PTPRG: variants seen among roughly 807,000 people sequenced by gnomAD.
PTPRG encodes receptor-type tyrosine-protein phosphatase gamma.
In PTPRG, 102 loss-of-function variants were observed where a neutral mutation model predicts 165.3. The ratio of observed to expected loss-of-function variants is 0.62; its 90% CI spans 0.53 to 0.73. The LOEUF is 0.73. Ranked by LOEUF, PTPRG falls within the 30% of genes least tolerant of loss-of-function variation. The probability of loss-of-function intolerance (pLI) is 0.00; values close to 1 mark genes in which losing one functional copy is unlikely to be tolerated. For missense variants in PTPRG, 1,866 were observed against 1,861.4 expected (o/e 1.00, Z -0.05); for synonymous variants, 675 against 669.5 (o/e 1.01, Z -0.13).
intron 2 of PTPRG, among the ~76,000 whole-genome samples, chr3:61,786,894 A>G (rs1362134391): frequency 6.6e-6 from 1 of 152,216 alleles, no homozygotes; most frequent in African/African-American, 2.4e-5. Flanking sequence ...GACAAAGAGA[A>G]AATAGATGTC....
intron 2 of PTPRG, among the ~76,000 whole-genome samples, chr3:61,842,172 G>C (rs1225217005): frequency 6.6e-6 from 1 of 152,160 alleles, no homozygotes; most frequent in African/African-American, 2.4e-5. Context: ...CCTATACCAT[G>C]TTTAGTTCAG....
chr3:62,028,322 C>T (rs570896399), intron 4 of PTPRG, among the ~76,000 whole-genome samples: 1 of 152,204 alleles, frequency 6.6e-6, no homozygotes, highest in Non-Finnish European at 1.5e-5. Context: ...CTAATTACAG[C>T]CTATACATTT....
intron 4 of PTPRG, among the ~76,000 whole-genome samples, chr3:62,023,257 C>CATA (rs1210881619): frequency 2.0e-5 from 3 of 152,224 alleles, no homozygotes; most frequent in Non-Finnish European, 2.9e-5. Context: ...TTGTCTCCCA[C>CATA]ATAATACTAA....
At chr3:62,125,954 G>A (rs1433226962) in intron 5 of PTPRG, among the ~76,000 whole-genome samples, 2 of 152,158 alleles carry the variant, frequency 1.3e-5, no homozygotes, top group Middle Eastern at 3.4e-3. Flanking sequence ...ATCACCATGC[G>A]GGCCCCCACG....
At chr3:61,789,988 T>C (rs2034821334) in intron 2 of PTPRG, among the ~76,000 whole-genome samples, 1 of 152,212 alleles carries the variant, frequency 6.6e-6, no homozygotes, top group African/African-American at 2.4e-5. Context: ...TCAGCAGCTG[T>C]TTCCTGGTAC....
intron 5 of PTPRG, among the ~76,000 whole-genome samples, chr3:62,110,496 T>C (rs1702631866): frequency 6.6e-6 from 1 of 152,052 alleles, no homozygotes; most frequent in African/African-American, 2.4e-5. Flanking sequence ...CAGTAGAGAT[T>C]TATTCAGTAA....
intron 2 of PTPRG, among the ~76,000 whole-genome samples, chr3:61,857,809 T>C (rs1216612398): frequency 1.3e-5 from 2 of 152,206 alleles, no homozygotes; most frequent in Non-Finnish European, 2.9e-5. Flanking sequence ...CTTTCTCCTT[T>C]GGAAGAAATG....
At chr3:61,775,145 G>A (rs113762924) in intron 2 of PTPRG, among the ~76,000 whole-genome samples, 2,182 of 152,084 alleles carry the variant, frequency 0.014, 58 homozygotes, top group African/African-American at 0.049. Context: ...ATCTTGGCTC[G>A]CTGCAACCTC....
chr3:61,824,792 AAAC>A (rs2107269716), intron 2 of PTPRG, among the ~76,000 whole-genome samples: 1 of 152,364 alleles, frequency 6.6e-6, no homozygotes, highest in South Asian at 2.1e-4. Context: ...CCTCATGTCA[AAAC>A]AAACTGTGAT....
chr3:61,957,436 A>G (rs2040058029), intron 2 of PTPRG, among the ~76,000 whole-genome samples: 2 of 152,226 alleles, frequency 1.3e-5, no homozygotes, highest in African/African-American at 4.8e-5. Context: ...GTGCAGTTCT[A>G]GGTGAATGAT....
chr3:61,568,107 C>T (rs1446388394), intron 1 of PTPRG, among the ~76,000 whole-genome samples: 7 of 152,216 alleles, frequency 4.6e-5, no homozygotes, highest in Non-Finnish European at 8.8e-5. Flanking sequence ...AAAGAGTTAT[C>T]GGACTTGGCT....
At chr3:61,862,779 T>A (rs371538982) in intron 2 of PTPRG, among the ~76,000 whole-genome samples, 5 of 152,264 alleles carry the variant, frequency 3.3e-5, no homozygotes, top group African/African-American at 1.2e-4. Context: ...CTTGTAAAAA[T>A]CTATTTCAGG....
Position 61,562,184 on chromosome 3 carries a change from G to A in PTPRG, c.-104G>A. On this transcript the variant is annotated 5_prime_UTR_variant, in exon 1 of 30. Coordinates refer to ENST00000474889, the MANE Select transcript of PTPRG (RefSeq NM_002841.4). ...AGCGCGGGGGGCCCGTGGAGCGGGC[G>A]AGCCGGGGAAGCGCCCCGGCTTAGC... The A allele has an allele frequency of 9.4e-7, 1 of 1,068,938 alleles. No homozygotes were observed. Among genetic ancestry groups the A allele is most frequent in the Non-Finnish European group, 1.4e-6 (1 of 703,004 alleles). 66.2% of individuals were successfully genotyped at this position (1,068,938 alleles called of 1,614,324 possible).
At chr3:61,932,244 T>C (rs902242784) in intron 2 of PTPRG, among the ~76,000 whole-genome samples, 1 of 152,178 alleles carries the variant, frequency 6.6e-6, no homozygotes, top group Admixed American at 6.5e-5. Flanking sequence ...CATCTTTGGA[T>C]TGGATATTAC....
chr3:61,914,590 C>G (rs1245082772), intron 2 of PTPRG, among the ~76,000 whole-genome samples: 1 of 152,174 alleles, frequency 6.6e-6, no homozygotes, highest in African/African-American at 2.4e-5. Context: ...CGGTCTTGGC[C>G]TTTATGAATA....
At chr3:62,012,869 A>C (rs922722401) in intron 4 of PTPRG, among the ~76,000 whole-genome samples, 1 of 152,180 alleles carries the variant, frequency 6.6e-6, no homozygotes, top group Admixed American at 6.5e-5. Flanking sequence ...AAGGGAATAG[A>C]AATTAGTCAG....
intron 2 of PTPRG, among the ~76,000 whole-genome samples, chr3:61,843,612 A>G (rs570783884): frequency 2.0e-5 from 3 of 152,326 alleles, no homozygotes; most frequent in East Asian, 1.9e-4. Context: ...AGTCTTTCTC[A>G]AAACTAAGAG....
chr3:61,948,697 G>A (rs925062023), intron 2 of PTPRG, among the ~76,000 whole-genome samples: 2 of 152,164 alleles, frequency 1.3e-5, no homozygotes, highest in Non-Finnish European at 2.9e-5. Flanking sequence ...CCAAAGTGGA[G>A]TCTGACTTTG....
intron 2 of PTPRG, among the ~76,000 whole-genome samples, chr3:61,938,904 T>C (rs754674461): frequency 3.1e-4 from 47 of 152,236 alleles, no homozygotes; most frequent in Admixed American, 7.8e-4. Context: ...AAATATTTCA[T>C]GAGCGGCCAT....
Sources: gnomAD v4.1 joint callset for allele counts (sites outside exome capture counted in the v4.1 genomes callset) on GRCh38, gnomAD v4.1.1 for gene constraint, MANE v1.5 for transcripts, NCBI Gene and HGNC (gene_info 2026-07-23, HGNC 2026-07-21) for gene names.